Variants in ARHGAP6 observed in about 807,000 individuals in gnomAD.
The protein encoded by ARHGAP6 is rho GTPase-activating protein 6.
Under a neutral mutation model 55.7 loss-of-function variants are expected in ARHGAP6, and 16 were observed. The observed-to-expected ratio is 0.29, with a 90% confidence interval of 0.19 to 0.44. ARHGAP6 has a LOEUF of 0.44. ARHGAP6 is among the 20% of genes least tolerant of loss of function. The pLI is 1.00. For missense variants in ARHGAP6, 698 were observed against 808.9 expected (o/e 0.86, Z 1.66); for synonymous variants, 382 against 360.9 (o/e 1.06, Z -0.66).
chrX:11,151,020 G>A lies in ARHGAP6; in HGVS notation c.1907+5509C>T, dbSNP rs182061330. 1.3e-4 allele frequency among the ~76,000 whole-genome samples: 15 copies of A among 111,285 alleles called. No individual in the cohort carries two copies. The East Asian group carries it at 3.4e-3, about 25-fold the overall frequency. ...CCTTAAATTCTGTGTCTAGGCAAGCGTCTCACTTGCCTCTCACTAAGTCCC... is the reference window on the plus strand; with the variant it reads ...CCTTAAATTCTGTGTCTAGGCAAGCATCTCACTTGCCTCTCACTAAGTCCC... On this transcript the variant is annotated intron_variant, in intron 10 of 12. Coordinates refer to ENST00000337414, the MANE Select transcript of ARHGAP6 (RefSeq NM_013427.3).
chrX:11,491,404 C>A (rs1465028920), intron 1 of ARHGAP6, among the ~76,000 whole-genome samples: 4 of 108,803 alleles, frequency 3.7e-5, no homozygotes, highest in Non-Finnish European at 5.7e-5. Flanking sequence ...TGATGTTCCC[C>A]TTCCTGTTTC....
chrX:11,456,966 G>T (rs1409993366), intron 1 of ARHGAP6, among the ~76,000 whole-genome samples: 1 of 111,389 alleles, frequency 9.0e-6, no homozygotes, highest in Non-Finnish European at 1.9e-5. Context: ...CAATGCTTAG[G>T]TCTGAGGCTC....
At chrX:11,417,059 CATATATATATATATATATATAT>C (rs768174897) in intron 1 of ARHGAP6, among the ~76,000 whole-genome samples, 491 of 33,364 alleles carry the variant, frequency 0.015, 22 homozygotes, top group African/African-American at 0.034. Flanking sequence ...TGGGTGTGTA[CATATATATATATATATATATAT>C]ATATATATAT....
chrX:11,503,015 C>T (rs1234931879), intron 1 of ARHGAP6, among the ~76,000 whole-genome samples: 1 of 111,005 alleles, frequency 9.0e-6, no homozygotes, highest in Non-Finnish European at 1.9e-5. Flanking sequence ...CTTGCCTCAG[C>T]CTCCCAAGTA....
intron 1 of ARHGAP6, among the ~76,000 whole-genome samples, chrX:11,652,864 C>T (rs2052600549): frequency 8.9e-6 from 1 of 112,160 alleles, no homozygotes; most frequent in South Asian, 3.7e-4. Context: ...AGAAGACCTT[C>T]AAGGACTTTT....
intron 1 of ARHGAP6, chrX:11,351,442 G>A (rs780281911): frequency 1.0e-6 from 1 of 967,120 alleles, no homozygotes; most frequent in South Asian, 2.0e-5. Flanking sequence ...GAACAGGGCA[G>A]GCTCTCCCCA....
intron 1 of ARHGAP6, among the ~76,000 whole-genome samples, chrX:11,287,608 G>C (rs1472922910): frequency 8.9e-6 from 1 of 111,983 alleles, no homozygotes; most frequent in East Asian, 2.8e-4. Flanking sequence ...GGGTCTCTCT[G>C]TTCCCAACAG....
intron 1 of ARHGAP6, chrX:11,427,587 G>C (rs1166429219): frequency 3.3e-6 from 3 of 905,709 alleles, no homozygotes. Flanking sequence ...GGTACACCGG[G>C]TGCCCCATGT....
rs2147685916 is a variant in ARHGAP6, at chrX:11,358,445, CT to C, written c.589-103739del. Among the ~76,000 whole-genome samples, 3 of 82,622 alleles carry C rather than the reference CT, an allele frequency of 3.6e-5. No homozygotes were observed. In the South Asian group the frequency reaches 2.0e-3, roughly 55 times the overall value. 71.7% of individuals were successfully genotyped at this position (82,622 alleles called of 115,157 possible). On this transcript the variant is annotated intron_variant, in intron 1 of 12. Coordinates refer to ENST00000337414, the MANE Select transcript of ARHGAP6 (RefSeq NM_013427.3). ...GTTTTAACTGTATCTTTCTTTCTTT[CT>C]TTCTTTCTTTCTTTCTTTCTTTCTT...
chrX:11,441,464 T>G (rs902513890), intron 1 of ARHGAP6, among the ~76,000 whole-genome samples: 1 of 111,807 alleles, frequency 8.9e-6, no homozygotes, highest in African/African-American at 3.3e-5. Context: ...CCAAACGTTT[T>G]GGTTCACAAA....
intron 1 of ARHGAP6, among the ~76,000 whole-genome samples, chrX:11,325,322 C>T (rs1465008985): frequency 8.9e-6 from 1 of 112,184 alleles, no homozygotes; most frequent in African/African-American, 3.2e-5. Flanking sequence ...AGGAATTACT[C>T]AAATTTACCA....
intron 10 of ARHGAP6, among the ~76,000 whole-genome samples, chrX:11,152,533 A>G (rs189767067): frequency 2.7e-4 from 30 of 111,794 alleles, no homozygotes; most frequent in African/African-American, 9.8e-4. Context: ...ATTTACTGTT[A>G]TGTCCAGGTC....
At chrX:11,662,423 CAT>C (rs1555900344) in intron 1 of ARHGAP6, among the ~76,000 whole-genome samples, 6 of 111,989 alleles carry the variant, frequency 5.4e-5, no homozygotes, top group African/African-American at 1.3e-4. Context: ...CACACACACA[CAT>C]ACACACATAT....
chrX:11,268,324 T>A (rs2047652286), intron 1 of ARHGAP6, among the ~76,000 whole-genome samples: 2 of 112,062 alleles, frequency 1.8e-5, no homozygotes, highest in Admixed American at 1.9e-4. Context: ...GGTGTGCTTT[T>A]ACTTAGATGG....
chrX:11,555,281 C>T (rs1351701472), intron 1 of ARHGAP6, among the ~76,000 whole-genome samples: 3 of 111,619 alleles, frequency 2.7e-5, no homozygotes, highest in African/African-American at 9.8e-5. Flanking sequence ...TAGATTCAGT[C>T]GAGATGGAGT....
intron 1 of ARHGAP6, among the ~76,000 whole-genome samples, chrX:11,618,200 G>C (rs1475217997): frequency 1.8e-5 from 2 of 111,415 alleles, no homozygotes; most frequent in Non-Finnish European, 3.8e-5. Flanking sequence ...AGACCCTCCA[G>C]AATAAACGAA....
At chrX:11,540,336 G>A (rs1217883383) in intron 1 of ARHGAP6, among the ~76,000 whole-genome samples, 1 of 110,362 alleles carries the variant, frequency 9.1e-6, no homozygotes, top group Non-Finnish European at 1.9e-5. Flanking sequence ...AAGTTACCAT[G>A]AGGAGCAATA....
At chrX:11,220,410 C>T (rs2046951513) in intron 2 of ARHGAP6, among the ~76,000 whole-genome samples, 1 of 111,485 alleles carries the variant, frequency 9.0e-6, no homozygotes, top group Admixed American at 9.6e-5. Context: ...CAAAGGGAAG[C>T]CCATCAGACT....
chrX:11,307,344 C>G (rs959448757), intron 1 of ARHGAP6, among the ~76,000 whole-genome samples: 6 of 111,121 alleles, frequency 5.4e-5, no homozygotes, highest in Non-Finnish European at 9.4e-5. Flanking sequence ...TGCATACTCT[C>G]TCTACCTGGC....
Sources: gnomAD v4.1 joint callset for allele counts (sites outside exome capture counted in the v4.1 genomes callset) on GRCh38, gnomAD v4.1.1 for gene constraint, MANE v1.5 for transcripts, NCBI Gene and HGNC (gene_info 2026-07-23, HGNC 2026-07-21) for gene names.